The following LRP1B variants were observed in gnomAD, a reference collection of about 807,000 sequenced individuals.
LRP1B encodes the protein low-density lipoprotein receptor-related protein 1B.
In LRP1B, 217 loss-of-function variants were observed where a neutral mutation model predicts 556.6. The ratio of observed to expected loss-of-function variants is 0.39; its 90% CI spans 0.35 to 0.44. The LOEUF is 0.44. LRP1B is among the 20% of genes least tolerant of loss of function. The pLI, the probability that LRP1B is intolerant of heterozygous loss-of-function variation, is 1.00. For synonymous variants in LRP1B, 2,047 were observed against 1,865.8 expected, an observed-to-expected ratio of 1.10 and a Z score of -2.50; for missense variants, 5,053 against 5,620.8, an observed-to-expected ratio of 0.90 and a Z score of 3.23.
intron 6 of LRP1B, among the ~76,000 whole-genome samples, chr2:141,204,251 T>C (rs1850698): frequency 0.96 from 145,550 of 152,282 alleles, 69,881 homozygotes; most frequent in East Asian, 1. Flanking sequence ...CTTTGATTGC[T>C]GTTTTTTCAA....
At chr2:141,783,509 C>A (rs1454223455) in intron 2 of LRP1B, among the ~76,000 whole-genome samples, 5 of 152,000 alleles carry the variant, frequency 3.3e-5, no homozygotes, top group African/African-American at 1.2e-4. Context: ...CTTCCTAATA[C>A]ACCCAGCTCT....
chr2:141,262,082 C>T (rs981503316), intron 3 of LRP1B, among the ~76,000 whole-genome samples: 2 of 151,956 alleles, frequency 1.3e-5, no homozygotes, highest in African/African-American at 4.8e-5. Flanking sequence ...ATTTTTTAGT[C>T]ATTTGAGTAT....
chr2:140,724,924 C>T (rs972647884), intron 35 of LRP1B, among the ~76,000 whole-genome samples: 1 of 152,116 alleles, frequency 6.6e-6, no homozygotes, highest in African/African-American at 2.4e-5. Flanking sequence ...CTTTAAAGGT[C>T]AGAAATATAA....
intron 2 of LRP1B, among the ~76,000 whole-genome samples, chr2:141,686,775 T>C (rs1378575961): frequency 1.3e-5 from 2 of 151,968 alleles, no homozygotes; most frequent in Non-Finnish European, 2.9e-5. Flanking sequence ...ATAAAAAGAT[T>C]AATCCATCAG....
At chr2:141,424,862 G>A (rs1467939962) in intron 3 of LRP1B, among the ~76,000 whole-genome samples, 2 of 152,136 alleles carry the variant, frequency 1.3e-5, no homozygotes, top group Middle Eastern at 3.2e-3. Context: ...AGGTTTCAAT[G>A]AACCTGAATT....
intron 43 of LRP1B, among the ~76,000 whole-genome samples, chr2:140,543,773 AC>A (rs1292755896): frequency 2.6e-5 from 4 of 152,168 alleles, no homozygotes; most frequent in Admixed American, 2.6e-4. Flanking sequence ...ACATAAAAAA[AC>A]ATTTAACAGA....
intron 87 of LRP1B, among the ~76,000 whole-genome samples, chr2:140,244,620 A>G (rs906229946): frequency 6.6e-6 from 1 of 151,296 alleles, no homozygotes; most frequent in East Asian, 2.0e-4. Flanking sequence ...CCTAGATAAT[A>G]GATCTGCCTA....
chr2:141,815,869 A>G (rs1347247955), intron 1 of LRP1B, among the ~76,000 whole-genome samples: 2 of 151,268 alleles, frequency 1.3e-5, no homozygotes, highest in African/African-American at 2.4e-5. Flanking sequence ...TTCATGCTTG[A>G]AGTCAGCGAG....
At chr2:141,159,761 T>C (rs10189024) in intron 7 of LRP1B, among the ~76,000 whole-genome samples, 88,112 of 151,980 alleles carry the variant, frequency 0.58, 26,391 homozygotes, top group Middle Eastern at 0.72. Context: ...TGTTCAACAT[T>C]TTAGCATTTT....
intron 84 of LRP1B, 95 bp from the exon 85 acceptor site, chr2:140,274,693 A>G: frequency 1.1e-6 from 1 of 941,014 alleles, no homozygotes; most frequent in Non-Finnish European, 1.6e-6. Context: ...ATTACTTAAA[A>G]ATAATAGGTA....
chr2:141,089,209 T>C (rs1461026650), intron 7 of LRP1B, among the ~76,000 whole-genome samples: 2 of 152,202 alleles, frequency 1.3e-5, no homozygotes, highest in Non-Finnish European at 2.9e-5. Flanking sequence ...CACAGCGGGC[T>C]CTTATTTCTG....
chr2:141,049,618 A>T (rs571960905), intron 10 of LRP1B, among the ~76,000 whole-genome samples: 1 of 152,080 alleles, frequency 6.6e-6, no homozygotes, highest in Non-Finnish European at 1.5e-5. Context: ...ATATTTGACA[A>T]TGCTAAAAAC....
At chr2:141,095,142 G>A (rs925763529) in intron 7 of LRP1B, among the ~76,000 whole-genome samples, 13 of 151,990 alleles carry the variant, frequency 8.6e-5, no homozygotes, top group African/African-American at 2.7e-4. Context: ...CTAGACGATG[G>A]CCCTTCAATC....
intron 2 of LRP1B, among the ~76,000 whole-genome samples, chr2:141,708,228 T>C (rs1692222582): frequency 6.6e-6 from 1 of 151,750 alleles, no homozygotes; most frequent in African/African-American, 2.4e-5. Context: ...ATAAAATAAA[T>C]TAAAAAAAAA....
chr2:140,871,232 A>G (rs989861680), intron 25 of LRP1B, among the ~76,000 whole-genome samples: 2 of 152,182 alleles, frequency 1.3e-5, no homozygotes, highest in Admixed American at 6.6e-5. Flanking sequence ...AAAAACTATT[A>G]TAGTACACAT....
intron 3 of LRP1B, among the ~76,000 whole-genome samples, chr2:141,289,901 G>T (rs190882870): frequency 1.1e-3 from 172 of 152,260 alleles, no homozygotes; most frequent in African/African-American, 4.0e-3. Context: ...ATAAAGATAT[G>T]TCAAATATTG....
intron 6 of LRP1B, among the ~76,000 whole-genome samples, chr2:141,194,860 A>G (rs1681682293): frequency 6.6e-6 from 1 of 152,126 alleles, no homozygotes; most frequent in Non-Finnish European, 1.5e-5. Context: ...TTTCAAAAAT[A>G]TTAGTTATCT....
At chr2:140,898,228 T>C (rs1188711175) in intron 23 of LRP1B, among the ~76,000 whole-genome samples, 1 of 152,156 alleles carries the variant, frequency 6.6e-6, no homozygotes, top group African/African-American at 2.4e-5. Flanking sequence ...TGAGCCTAAG[T>C]ATTAAAAATG....
intron 3 of LRP1B, among the ~76,000 whole-genome samples, chr2:141,371,124 C>T (rs1438525350): frequency 6.6e-6 from 1 of 152,154 alleles, no homozygotes; most frequent in Non-Finnish European, 1.5e-5. Flanking sequence ...GCTGGGATTA[C>T]AGGCATGCAC....
Sources: allele counts gnomAD v4.1 joint callset (sites outside exome capture counted in the v4.1 genomes callset), GRCh38; gene constraint gnomAD v4.1.1; transcripts MANE v1.5; gene names NCBI Gene and HGNC (gene_info 2026-07-23, HGNC 2026-07-21).